TUFT1: variants seen among roughly 807,000 people sequenced by gnomAD.
TUFT1 encodes the protein tuftelin 1.
In TUFT1, 43 loss-of-function variants were observed where a neutral mutation model predicts 57.8. The ratio of observed to expected loss-of-function variants is 0.74; its 90% CI spans 0.58 to 0.96. TUFT1 has a LOEUF of 0.96. TUFT1 is among the 40% of genes least tolerant of loss of function. The pLI, the probability that TUFT1 is intolerant of heterozygous loss-of-function variation, is 0.00. For missense variants in TUFT1, 459 were observed against 489.0 expected, an observed-to-expected ratio of 0.94 and a Z score of 0.58; for synonymous variants, 166 against 176.7, an observed-to-expected ratio of 0.94 and a Z score of 0.48.
chr1:151,552,707 CAAA>C (rs869244649), intron 1 of TUFT1, among the ~76,000 whole-genome samples: 15 of 53,478 alleles, frequency 2.8e-4, no homozygotes, highest in African/African-American at 1.1e-3. Flanking sequence ...GACTCTGTCT[CAAA>C]AAAAAAAAAA....
chr1:151,570,721 T>A (rs1052584693), intron 7 of TUFT1, among the ~76,000 whole-genome samples: 3 of 151,646 alleles, frequency 2.0e-5, no homozygotes, highest in African/African-American at 4.8e-5. Flanking sequence ...TTTCTTTCTG[T>A]CTTTGGAGAC....
At chr1:151,557,399 C>A in intron 1 of TUFT1, 2 of 830,550 alleles carry the variant, frequency 2.4e-6, no homozygotes. Context: ...CTTAGAAAAC[C>A]TAAGAGGGGC....
At chr1:151,574,046 C>T (rs1401204040) in intron 7 of TUFT1, among the ~76,000 whole-genome samples, 2 of 152,022 alleles carry the variant, frequency 1.3e-5, no homozygotes, top group Non-Finnish European at 2.9e-5. Flanking sequence ...TAAAGTGGAC[C>T]TCAATCAACT....
At chr1:151,567,518 G>A (rs1666122567) in intron 6 of TUFT1, among the ~76,000 whole-genome samples, 1 of 152,130 alleles carries the variant, frequency 6.6e-6, no homozygotes, top group African/African-American at 2.4e-5. Flanking sequence ...ATAGTCATGA[G>A]CTACTATGCT....
At chr1:151,565,922 T>G in intron 5 of TUFT1, 6 of 418,130 alleles carry the variant, frequency 1.4e-5, no homozygotes, top group Non-Finnish European at 2.2e-5. Flanking sequence ...CTTGTTTCTA[T>G]TTTCTCATGG....
At position 151,562,115 on chromosome 1, in the gene TUFT1, A is replaced by T. The variant is rs1251032064; in HGVS notation, c.85A>T (p.Thr29Ser). 5.6e-6 allele frequency: 9 copies of T among 1,614,066 alleles called. No individual in the cohort carries two copies. The South Asian group carries it at 7.7e-5, about 14-fold the overall frequency. The change falls in exon 2 of 13, where the codon ACT (threonine) becomes TCT (serine). Residue 29 changes from threonine (T) to serine (S), a missense_variant. Thr to Ser is a moderately conservative substitution (Grantham distance 58). Coordinates refer to ENST00000368849, the MANE Select transcript of TUFT1 (RefSeq NM_020127.3). ...GGGCAGCGTGGACATTCTCAGGCTGACTCTCCAGGGTGAACTGACAGGAGA... is the reference window on the plus strand; with the variant it reads ...GGGCAGCGTGGACATTCTCAGGCTGTCTCTCCAGGGTGAACTGACAGGAGA... ...AAGSVDILRL[T>S]LQGELTGDEL...
chr1:151,555,692 G>A (rs879465104), intron 1 of TUFT1, among the ~76,000 whole-genome samples: 25 of 145,568 alleles, frequency 1.7e-4, no homozygotes, highest in Non-Finnish European at 2.8e-4. Context: ...CAGGAGAATC[G>A]TTTGAACCCA....
chr1:151,541,822 A>T (rs1412237237), intron 1 of TUFT1, among the ~76,000 whole-genome samples: 1 of 152,190 alleles, frequency 6.6e-6, no homozygotes, highest in Non-Finnish European at 1.5e-5. Flanking sequence ...ATTATGTGTC[A>T]GCCACAAGTC....
At chr1:151,558,209 C>T (rs1424654818) in intron 1 of TUFT1, among the ~76,000 whole-genome samples, 1 of 151,866 alleles carries the variant, frequency 6.6e-6, no homozygotes, top group African/African-American at 2.4e-5. Context: ...TTGATTTCCC[C>T]CTCATTTCTG....
rs371698581 is a variant in TUFT1 at position 151,566,259 on chromosome 1, G to A, written c.480+31G>A. 194 of 1,587,938 alleles carry A rather than the reference G, an allele frequency of 1.2e-4. 1 individual carries two copies. Among genetic ancestry groups the A allele is most frequent in the African/African-American group, 1.0e-3 (75 of 74,584 alleles). On this transcript the variant is annotated intron_variant, in intron 6 of 12. Transcript: ENST00000368849. ...TAACAGAGGACACCATGGTGGCTCC[G>A]CTTAGCCAGGGGCAGGATTGCCTCC...
chr1:151,562,050 T>G, intron 1 of TUFT1, 41 bp from the exon 2 acceptor site: 1 of 1,601,148 alleles, frequency 6.2e-7, no homozygotes, highest in Non-Finnish European at 8.6e-7. Context: ...CTGTAGACTG[T>G]AAAGTTGAGG....
At chr1:151,559,741 A>T (rs1035051218) in intron 1 of TUFT1, among the ~76,000 whole-genome samples, 5 of 152,142 alleles carry the variant, frequency 3.3e-5, no homozygotes, top group Non-Finnish European at 5.9e-5. Flanking sequence ...GAGGATGCTG[A>T]TGTTTCAGTG....
Position 151,569,725 on chromosome 1 carries a change from TC to T in TUFT1, c.550del (p.Gln184ArgfsTer54). The T allele has an allele frequency of 6.2e-7, 1 of 1,614,066 alleles. No homozygotes were observed. Among genetic ancestry groups the T allele is most frequent in the Non-Finnish European group, 8.5e-7 (1 of 1,179,974 alleles). Reference protein sequence around the residue: ...KTVQDLLAKLQEAKRQHQSDC... With the variant: ...KTVQDLLAKLXEAKRQHQSDC... The stretch of plus-strand genomic sequence containing the variant: ...CGGTGCAGGACTTGCTGGCCAAGCT[TC>T]AGGAGGCCAAGCGGCAACACCAGTC... On this transcript the variant is annotated frameshift_variant, in exon 7 of 13. Transcript: ENST00000368849. LOFTEE classifies it high-confidence loss of function.
chr1:151,578,768 A>G lies in TUFT1; in HGVS notation c.866A>G (p.His289Arg), dbSNP rs753260786. 2 of 1,584,466 alleles carry G rather than the reference A, an allele frequency of 1.3e-6. No individual in the cohort carries two copies. The highest frequency in any genetic ancestry group is 1.2e-5 in the South Asian group (1 of 86,956). Reference sequence around the variant, plus strand: ...GTGGCCGGGTTGCGGGAGAAGATCCACCACTTGGATGACATGCTCAAGAGC... The same window carrying G: ...GTGGCCGGGTTGCGGGAGAAGATCCGCCACTTGGATGACATGCTCAAGAGC... The part of the protein sequence containing the change: ...KEVAGLREKI[H>R]HLDDMLKSQQ... Residue 289 changes from histidine (H) to arginine (R), a missense_variant, in exon 10 of 13, where the codon CAC (histidine) becomes CGC (arginine). His to Arg is a conservative substitution (Grantham distance 29). Coordinates refer to ENST00000368849, the MANE Select transcript of TUFT1 (RefSeq NM_020127.3).
At chr1:151,553,627 A>ATC (rs1340457028) in intron 1 of TUFT1, among the ~76,000 whole-genome samples, 2 of 152,154 alleles carry the variant, frequency 1.3e-5, no homozygotes, top group East Asian at 3.8e-4. Flanking sequence ...ATTTTGGGGT[A>ATC]TCATATTCTG....
At chr1:151,553,463 G>T (rs796594607) in intron 1 of TUFT1, among the ~76,000 whole-genome samples, 23 of 152,300 alleles carry the variant, frequency 1.5e-4, no homozygotes, top group African/African-American at 5.5e-4. Flanking sequence ...TTTATGGCTG[G>T]CTTTGGGGAA....
chr1:151,561,283 C>A (rs1367494098), intron 1 of TUFT1, among the ~76,000 whole-genome samples: 1 of 152,102 alleles, frequency 6.6e-6, no homozygotes, highest in Non-Finnish European at 1.5e-5. Flanking sequence ...CAGGCGTGAG[C>A]CACCGTGCCC....
At position 151,562,144 on chromosome 1, in the gene TUFT1, A is replaced by G. The variant is rs199754520; in HGVS notation, c.114A>G (p.Glu38=). ...TCCAGGGTGAACTGACAGGAGATGAACTTGAACACATAGCCCAGAAGGTAC... is the reference window on the plus strand; with the variant it reads ...TCCAGGGTGAACTGACAGGAGATGAGCTTGAACACATAGCCCAGAAGGTAC... ...LTLQGELTGD[E]LEHIAQKAGR... Residue 38 remains glutamate (E), a synonymous_variant, in exon 2 of 13, where the codon GAA becomes GAG. Transcript: ENST00000368849. The G allele has an allele frequency of 3.0e-5, 48 of 1,614,156 alleles. No individual in the cohort carries two copies. In the East Asian group the frequency reaches 1.1e-3, roughly 36 times the overall value.
chr1:151,565,635 A>G (rs1666046301), intron 5 of TUFT1, among the ~76,000 whole-genome samples: 1 of 152,266 alleles, frequency 6.6e-6, no homozygotes, highest in Admixed American at 6.5e-5. Context: ...TGTTTGCACA[A>G]ACCGGCTGTC....
Sources: gnomAD v4.1 joint callset for allele counts (sites outside exome capture counted in the v4.1 genomes callset) on GRCh38, gnomAD v4.1.1 for gene constraint, MANE v1.5 for transcripts, NCBI Gene and HGNC (gene_info 2026-07-23, HGNC 2026-07-21) for gene names.